Variants in SPG21 observed in about 807,000 individuals in gnomAD.
SPG21 encodes the protein maspardin.
SPG21 carries 26 observed loss-of-function variants against 38.9 expected under a neutral mutation model. The ratio of observed to expected loss-of-function variants is 0.67; its 90% CI spans 0.49 to 0.93. The LOEUF (loss-of-function observed/expected upper bound fraction) is 0.93. SPG21 is among the 40% of genes least tolerant of loss of function. SPG21 has a pLI of 0.00. For synonymous variants in SPG21, 136 were observed against 128.9 expected (o/e 1.05, Z -0.37); for missense variants, 333 against 376.5 (o/e 0.88, Z 0.96).
intron 5 of SPG21, 77 bp from the exon 6 acceptor site, chr15:64,970,299 G>T (rs1261699394): frequency 3.3e-5 from 41 of 1,239,600 alleles, no homozygotes; most frequent in Non-Finnish European, 4.3e-5. Context: ...TTAAAGCTTT[G>T]TATTAGCTTG....
chr15:64,986,728 AAAAC>A (rs1418792901), intron 1 of SPG21, among the ~76,000 whole-genome samples: 1 of 151,578 alleles, frequency 6.6e-6, no homozygotes, highest in Non-Finnish European at 1.5e-5. Context: ...AAAAAAACAA[AAAAC>A]AAAAAAAAAC....
chr15:64,965,545 A>C (rs922608355), intron 7 of SPG21, 85 bp from the exon 8 acceptor site: 5 of 1,577,740 alleles, frequency 3.2e-6, no homozygotes, highest in Non-Finnish European at 4.3e-6. Flanking sequence ...TAGTGTTTTA[A>C]TATGTTCTTT....
In SPG21 at chr15:64,980,975, G is replaced by T. The variant is rs752992250; in HGVS notation, c.114C>A (p.Gly38=). 1.2e-6 allele frequency: 2 copies of T among 1,614,106 alleles called. No individual in the cohort carries two copies. The highest frequency in any genetic ancestry group is 1.7e-6 in the Non-Finnish European group (2 of 1,180,012). ...DSKIWSLYDA[G]PRSIRCPLIF... ...TGAGAGGACACCTGATACTTCGGGG[G>T]CCCGCGTCATAGAGCGACCATATCT... The change falls in exon 3 of 9, where the codon GGC becomes GGA. Residue 38 remains glycine, a synonymous_variant. Coordinates refer to ENST00000204566, the MANE Select transcript of SPG21 (RefSeq NM_016630.7).
intron 7 of SPG21, among the ~76,000 whole-genome samples, chr15:64,966,291 G>A (rs1016850458): frequency 4.6e-5 from 7 of 151,986 alleles, no homozygotes; most frequent in Admixed American, 1.3e-4. Context: ...ACACATTTAC[G>A]TTTTTACATG....
rs192432444 is a variant in SPG21 at position 64,984,525 on chromosome 15, T to C, written c.-24-932A>G. Among the ~76,000 whole-genome samples, 30 of 152,052 alleles carry C rather than the reference T, an allele frequency of 2.0e-4. No homozygotes were observed. The South Asian group carries it at 6.2e-3, about 32-fold the overall frequency. On this transcript the variant is annotated intron_variant, in intron 1 of 8. Coordinates refer to ENST00000204566, the MANE Select transcript of SPG21 (RefSeq NM_016630.7). ...CACACCACCACGTCAGGTGAATTTT[T>C]TGGTTTTGTAGAGATGGGGGCCTCC...
At position 64,980,973 on chromosome 15, in the gene SPG21, G is replaced by C. The variant is rs921026570; in HGVS notation, c.116C>G (p.Pro39Arg). 1 of 1,614,096 alleles carries C rather than the reference G, an allele frequency of 6.2e-7. No individual in the cohort carries two copies. The highest frequency in any genetic ancestry group is 1.7e-5 in the Admixed American group (1 of 60,004). Residue 39 changes from proline to arginine, a missense_variant, in exon 3 of 9, where the codon CCC becomes CGC. By Grantham distance (103) the Pro-to-Arg change is moderately radical. Coordinates refer to ENST00000204566, the MANE Select transcript of SPG21 (RefSeq NM_016630.7). ...SKIWSLYDAG[P>R]RSIRCPLIFL... is the part of the protein sequence containing the mutation. ...TATGAGAGGACACCTGATACTTCGGGGGCCCGCGTCATAGAGCGACCATAT... is the reference window on the plus strand; with the variant it reads ...TATGAGAGGACACCTGATACTTCGGCGGCCCGCGTCATAGAGCGACCATAT...
chr15:64,976,553 C>T lies in SPG21; in HGVS notation c.228G>A (p.Leu76=). 6.2e-7 allele frequency: 1 copy of T among 1,605,432 alleles called. No individual in the cohort carries two copies. The highest frequency in any genetic ancestry group is 8.5e-7 in the Non-Finnish European group (1 of 1,173,178). The change falls in exon 4 of 9, where the codon TTG becomes TTA. Residue 76 remains leucine, a splice_region_variant and synonymous_variant. Transcript: ENST00000204566. ...LTGWGYRVIA[L]QYPVYWDHLE... ...GATGGTCCCAATAAACTGGATACTG[C>T]AACTGAAATAATAACGATAATTTTA...
chr15:64,984,549 C>T (rs1055933635), intron 1 of SPG21, among the ~76,000 whole-genome samples: 6 of 151,908 alleles, frequency 3.9e-5, no homozygotes, highest in African/African-American at 1.2e-4. Context: ...ATGGGGGCCT[C>T]CCTGTGTTGC....
intron 7 of SPG21, among the ~76,000 whole-genome samples, chr15:64,966,421 T>C (rs1175232869): frequency 6.6e-6 from 1 of 152,164 alleles, no homozygotes; most frequent in Non-Finnish European, 1.5e-5. Flanking sequence ...TCAGTGACCA[T>C]GAACCCAGGC....
chr15:64,965,276 A>G lies in SPG21; in HGVS notation c.810+44T>C, dbSNP rs770593606. On this transcript the variant is annotated intron_variant, in intron 8 of 8. Coordinates refer to ENST00000204566, the MANE Select transcript of SPG21 (RefSeq NM_016630.7). ...TAAAAGAAGTCTTTATGTTGCAAAC[A>G]TATGTTGGGCTCAGAGTGCTCTGGG... 7 of 1,613,918 alleles carry G rather than the reference A, an allele frequency of 4.3e-6. No homozygotes were observed. The Admixed American group carries it at 1.0e-4, about 23-fold the overall frequency.
rs1169014801 is a variant in SPG21 at position 64,963,586 on chromosome 15, C to T, written c.*34G>A. 6.4e-7 allele frequency: 1 copy of T among 1,568,552 alleles called. No individual in the cohort carries two copies. The highest frequency in any genetic ancestry group is 2.2e-5 in the East Asian group (1 of 44,650). On this transcript the variant is annotated 3_prime_UTR_variant, in exon 9 of 9. Transcript: ENST00000204566. ...ATGCCACTGACTATACAAGAACACA[C>T]CGGGTCAACTCATCATTGACAGCGA...
intron 1 of SPG21, among the ~76,000 whole-genome samples, chr15:64,985,678 T>G (rs2140453051): frequency 6.6e-6 from 1 of 152,304 alleles, no homozygotes; most frequent in South Asian, 2.1e-4. Flanking sequence ...GGGCTGACTC[T>G]GAACTGTCGT....
At chr15:64,967,913 T>C (rs1230041430) in intron 7 of SPG21, among the ~76,000 whole-genome samples, 1 of 152,132 alleles carries the variant, frequency 6.6e-6, no homozygotes, top group African/African-American at 2.4e-5. Context: ...TGCCCAAACA[T>C]ATACTTTTAC....
chr15:64,965,517 C>T (rs937460450), intron 7 of SPG21, 57 bp from the exon 8 acceptor site: 4 of 1,609,334 alleles, frequency 2.5e-6, no homozygotes, highest in African/African-American at 2.7e-5. Flanking sequence ...CACACACATA[C>T]AGAAAGCTGT....
intron 1 of SPG21, chr15:64,987,493 G>T (rs1193875132): frequency 6.6e-6 from 1 of 152,214 alleles, no homozygotes; most frequent in Non-Finnish European, 1.5e-5. Flanking sequence ...GGAATATTCT[G>T]TATATGGCAA....
At chr15:64,988,022 G>A (rs1048503247) in intron 1 of SPG21, among the ~76,000 whole-genome samples, 5 of 151,286 alleles carry the variant, frequency 3.3e-5, no homozygotes, top group African/African-American at 1.2e-4. Context: ...CAACGAGAGC[G>A]AAACTCCATC....
chr15:64,983,753 T>C (rs935084192), intron 1 of SPG21, among the ~76,000 whole-genome samples, 160 bp from the exon 2 acceptor site: 1 of 151,760 alleles, frequency 6.6e-6, no homozygotes, highest in Non-Finnish European at 1.5e-5. Context: ...AACAATTTGG[T>C]GAAATACTAC....
intron 2 of SPG21, 184 bp from the exon 3 acceptor site, chr15:64,981,209 T>C (rs2085878793): frequency 6.2e-6 from 4 of 649,986 alleles, no homozygotes; most frequent in Non-Finnish European, 1.0e-5. Context: ...TCCTCAGGGC[T>C]AACGTATTCC....
At chr15:64,980,417 A>C (rs1378947750) in intron 3 of SPG21, among the ~76,000 whole-genome samples, 1 of 152,118 alleles carries the variant, frequency 6.6e-6, no homozygotes, top group Non-Finnish European at 1.5e-5. Context: ...ACATATTAAA[A>C]TAAGCAAACA....
Sources: gnomAD v4.1 joint callset for allele counts (sites outside exome capture counted in the v4.1 genomes callset) on GRCh38, gnomAD v4.1.1 for gene constraint, MANE v1.5 for transcripts, NCBI Gene and HGNC (gene_info 2026-07-23, HGNC 2026-07-21) for gene names.